Variants in ATM observed in about 807,000 individuals in gnomAD.
The protein encoded by ATM is ATM serine/threonine kinase, also known as serine-protein kinase ATM.
Under a neutral mutation model 387.0 loss-of-function variants are expected in ATM, and 308 were observed. The ratio of observed to expected loss-of-function variants is 0.80; its 90% CI spans 0.73 to 0.87. The LOEUF (loss-of-function observed/expected upper bound fraction) is 0.87, where lower values mean the gene tolerates loss of function less well. ATM is among the 40% of genes least tolerant of loss of function. ATM has a pLI of 0.00. For missense variants in ATM, 3,312 were observed against 3,560.9 expected (o/e 0.93, Z 1.78); for synonymous variants, 1,156 against 1,187.3 (o/e 0.97, Z 0.54).
intron 59 of ATM, among the ~76,000 whole-genome samples, chr11:108,351,678 G>A (rs868648347): frequency 1.3e-5 from 2 of 152,148 alleles, no homozygotes; most frequent in South Asian, 2.1e-4. Context: ...GGGGCTCCAA[G>A]GGGAAGGAAG....
At chr11:108,267,434 T>C in intron 17 of ATM, 92 bp downstream of exon 17, 3 of 1,177,964 alleles carry the variant, frequency 2.5e-6, no homozygotes, top group South Asian at 1.3e-5. Context: ...TTTGTGCTTA[T>C]TTCATTTTCT....
intron 13 of ATM, among the ~76,000 whole-genome samples, chr11:108,255,196 G>A (rs1220469716): frequency 2.0e-5 from 3 of 152,220 alleles, no homozygotes; most frequent in East Asian, 3.9e-4. Context: ...AGTGAATTCG[G>A]TAGCCAGGGA....
In ATM at chr11:108,343,140, C is replaced by A. The variant is rs1055707764; in HGVS notation, c.8269-82C>A. 17 of 1,559,720 alleles carry A rather than the reference C, an allele frequency of 1.1e-5. No individual in the cohort carries two copies. In the African/African-American group the frequency reaches 1.8e-4, roughly 16 times the overall value. On this transcript the variant is annotated intron_variant, in intron 56 of 62. Transcript: ENST00000675843. The stretch of plus-strand genomic sequence containing the variant: ...ATACAACTTGAAAAAAAATGCTTTG[C>A]ACTGACTCTGATAGCTGAATGATCA...
intron 16 of ATM, among the ~76,000 whole-genome samples, chr11:108,265,056 C>T (rs1269863556): frequency 6.8e-6 from 1 of 147,536 alleles, no homozygotes; most frequent in Non-Finnish European, 1.5e-5. Context: ...GGCCATACTG[C>T]CCAAGGTAAT....
chr11:108,350,507 A>T (rs762273623), intron 59 of ATM, among the ~76,000 whole-genome samples: 6 of 152,246 alleles, frequency 3.9e-5, no homozygotes, highest in Non-Finnish European at 5.9e-5. Flanking sequence ...TGAGTGGTTC[A>T]TTAAGATAGA....
chr11:108,365,345 A>G lies in ATM; in HGVS notation c.9008A>G (p.Asn3003Ser), dbSNP rs144636562. Residue 3003 changes from asparagine to serine, a missense_variant, in exon 63 of 63, where the codon AAC becomes AGC. Coordinates refer to ENST00000675843, the MANE Select transcript of ATM (RefSeq NM_000051.4). ...RNLSDIDQSF[N>S]KVAERVLMRL... ...CTTAGTGATATTGACCAGAGTTTCAACAAAGTAGCTGAACGTGTCTTAATG... is the reference window on the plus strand; with the variant it reads ...CTTAGTGATATTGACCAGAGTTTCAGCAAAGTAGCTGAACGTGTCTTAATG... 3 of 1,614,206 alleles carry G rather than the reference A, an allele frequency of 1.9e-6. No individual in the cohort carries two copies. Among genetic ancestry groups the G allele is most frequent in the Non-Finnish European group, 1.7e-6 (2 of 1,180,022 alleles).
chr11:108,297,474 C>T lies in ATM; in HGVS notation c.5005+92C>T. Reference sequence around the variant, plus strand: ...ATACTGTATTTTTACTGTATGTTTTCTGTTGCCTGTAGTATTCAGTATAGT... The same window carrying T: ...ATACTGTATTTTTACTGTATGTTTTTTGTTGCCTGTAGTATTCAGTATAGT... On this transcript the variant is annotated intron_variant, in intron 33 of 62. Coordinates refer to ENST00000675843, the MANE Select transcript of ATM (RefSeq NM_000051.4). The T allele has an allele frequency of 2.7e-6, 3 of 1,105,048 alleles. No homozygotes were observed. In the South Asian group the frequency reaches 3.9e-5, roughly 14 times the overall value. The allele number at this position is 1,105,048 out of a possible 1,614,324, so 68.5% of individuals were successfully genotyped here. A position where few individuals can be genotyped will look rare whatever the true frequency, so the allele number is the denominator to read the frequency against.
intron 22 of ATM, 41 bp downstream of exon 22, chr11:108,272,893 G>T: frequency 6.2e-7 from 1 of 1,612,652 alleles, no homozygotes; most frequent in South Asian, 1.1e-5. Context: ...GAATGCTGCA[G>T]ATGGCAGTAG....
intron 57 of ATM, 94 bp from the exon 58 acceptor site, chr11:108,345,649 C>T: frequency 1.9e-6 from 2 of 1,029,334 alleles, no homozygotes; most frequent in South Asian, 1.8e-5. Flanking sequence ...ATCTTTATTG[C>T]CCCTATATCT....
intron 14 of ATM, 107 bp downstream of exon 14, chr11:108,256,447 C>T (rs2135397096): frequency 8.5e-7 from 1 of 1,173,322 alleles, no homozygotes; most frequent in Non-Finnish European, 1.2e-6. Flanking sequence ...GCAGGTTAAC[C>T]CTTTCTCTTT....
At chr11:108,361,628 C>T in intron 61 of ATM, among the ~76,000 whole-genome samples, 1 of 151,496 alleles carries the variant, frequency 6.6e-6, no homozygotes. Context: ...GAACAGAGCC[C>T]TTAGAAATAA....
rs2081675718 is a variant in ATM, at chr11:108,272,870, C to G, written c.3284+18C>G. On this transcript the variant is annotated intron_variant, in intron 22 of 62. Transcript: ENST00000675843. The stretch of plus-strand genomic sequence containing the variant: ...ATCAATAGGTAATGGGTCAAATATT[C>G]ATGAAGTATTTGGAATGCTGCAGAT... 1 of 1,613,686 alleles carries G rather than the reference C, an allele frequency of 6.2e-7. No homozygotes were observed. The highest frequency in any genetic ancestry group is 1.3e-5 in the African/African-American group (1 of 74,910).
At chr11:108,277,954 C>G (rs1048334812) in intron 22 of ATM, among the ~76,000 whole-genome samples, 1 of 152,040 alleles carries the variant, frequency 6.6e-6, no homozygotes, top group African/African-American at 2.4e-5. Context: ...TTTGTCTGTT[C>G]TGTTCATTGT....
intron 36 of ATM, 148 bp from the exon 37 acceptor site, chr11:108,304,527 T>G: frequency 2.4e-6 from 2 of 830,782 alleles, no homozygotes; most frequent in East Asian, 2.7e-5. Context: ...TTGTTTGTTT[T>G]TTTAGCAGTA....
intron 11 of ATM, 46 bp downstream of exon 11, chr11:108,252,077 A>G (rs755826470): frequency 1.3e-6 from 2 of 1,549,330 alleles, no homozygotes; most frequent in East Asian, 2.2e-5. Context: ...TGTTTGTTTT[A>G]TCAGGCTCTC....
At chr11:108,250,314 G>T (rs1296543277) in intron 9 of ATM, among the ~76,000 whole-genome samples, 1 of 151,840 alleles carries the variant, frequency 6.6e-6, no homozygotes, top group Admixed American at 6.6e-5. Flanking sequence ...CACCATGCCC[G>T]GCTAATTTTT....
chr11:108,273,003 C>A, intron 22 of ATM, 151 bp downstream of exon 22: 1 of 994,820 alleles, frequency 1.0e-6, no homozygotes, highest in Non-Finnish European at 1.5e-6. Flanking sequence ...ATTCTTAATT[C>A]TTATACTTCT....
intron 5 of ATM, among the ~76,000 whole-genome samples, chr11:108,239,612 A>G (rs921580098): frequency 6.6e-6 from 1 of 152,220 alleles, no homozygotes; most frequent in African/African-American, 2.4e-5. Flanking sequence ...ACATGAGTAT[A>G]CATCTCCTGA....
chr11:108,237,909 T>G (rs2079366289), intron 5 of ATM, among the ~76,000 whole-genome samples: 1 of 146,354 alleles, frequency 6.8e-6, no homozygotes, highest in South Asian at 2.1e-4. Context: ...GTTTTTTTTT[T>G]TTTTTTTTTT....
Sources: gnomAD v4.1 joint callset for allele counts (sites outside exome capture counted in the v4.1 genomes callset) on GRCh38, gnomAD v4.1.1 for gene constraint, MANE v1.5 for transcripts, NCBI Gene and HGNC (gene_info 2026-07-23, HGNC 2026-07-21) for gene names.